The following KIAA1549 variants were observed in gnomAD, a reference collection of about 807,000 sequenced individuals.
The protein encoded by KIAA1549 is UPF0606 protein KIAA1549.
Under a neutral mutation model 156.4 loss-of-function variants are expected in KIAA1549, and 70 were observed. The observed-to-expected ratio is 0.45, with a 90% CI of 0.37 to 0.55. The LOEUF (loss-of-function observed/expected upper bound fraction) is 0.55, where lower values mean the gene tolerates loss of function less well. Ranked by LOEUF, KIAA1549 falls within the 20% of genes least tolerant of loss-of-function variation. The pLI, the probability that KIAA1549 is intolerant of heterozygous loss-of-function variation, is 0.00. For synonymous variants in KIAA1549, 1,103 were observed against 1,066.4 expected, an observed-to-expected ratio of 1.03 and a Z score of -0.67; for missense variants, 2,428 against 2,540.9, an observed-to-expected ratio of 0.96 and a Z score of 0.96.
chr7:138,842,693 C>CA (rs34144804), intron 18 of KIAA1549, among the ~76,000 whole-genome samples: 96,036 of 140,480 alleles, frequency 0.68, 32,107 homozygotes, highest in East Asian at 0.9. Flanking sequence ...AACTCTGTCT[C>CA]AAAAAAAAAA....
intron 2 of KIAA1549, among the ~76,000 whole-genome samples, chr7:138,913,338 T>G (rs76305941): frequency 0.013 from 1,996 of 152,324 alleles, 16 homozygotes; most frequent in Non-Finnish European, 0.022. Context: ...ATATTAAAAT[T>G]TTATGTAGGA....
chr7:138,904,658 C>A (rs1407216764), intron 7 of KIAA1549, among the ~76,000 whole-genome samples: 12 of 150,516 alleles, frequency 8.0e-5, no homozygotes, highest in Non-Finnish European at 1.6e-4. Context: ...AGGTGCCAAG[C>A]CACCCTGCTT....
At chr7:138,944,005 G>A (rs1483264527) in intron 1 of KIAA1549, among the ~76,000 whole-genome samples, 4 of 151,146 alleles carry the variant, frequency 2.6e-5, no homozygotes, top group Non-Finnish European at 5.9e-5. Flanking sequence ...GGGCTCAAGT[G>A]GTCCTCCCAC....
At chr7:138,926,927 C>G (rs1812736747) in intron 1 of KIAA1549, among the ~76,000 whole-genome samples, 1 of 152,172 alleles carries the variant, frequency 6.6e-6, no homozygotes, top group Admixed American at 6.5e-5. Context: ...TTCCCAACTC[C>G]CTTCCTTCCC....
At position 138,850,250 on chromosome 7, in the gene KIAA1549, C is replaced by T. The variant is rs1810199290; in HGVS notation, c.5294+1973G>A. ...TGTTTTCTGACACCAGTTGGTAGTTCTGTTTTTATGTCTTTGAGGAATCGC... is the reference window on the plus strand; with the variant it reads ...TGTTTTCTGACACCAGTTGGTAGTTTTGTTTTTATGTCTTTGAGGAATCGC... On this transcript the variant is annotated intron_variant, in intron 17 of 19. Coordinates refer to ENST00000422774, the MANE Select transcript of KIAA1549 (RefSeq NM_001164665.2). Among the ~76,000 whole-genome samples the T allele has an allele frequency of 2.6e-5, 4 of 152,122 alleles. No individual in the cohort carries two copies. In the South Asian group the frequency reaches 8.3e-4, roughly 31 times the overall value.
intron 1 of KIAA1549, among the ~76,000 whole-genome samples, chr7:138,957,602 A>C (rs2774974): frequency 0.41 from 62,819 of 151,660 alleles, 15,823 homozygotes; most frequent in African/African-American, 0.72. Context: ...CTCAGCCTCC[A>C]GAGTAGATGG....
intron 2 of KIAA1549, among the ~76,000 whole-genome samples, chr7:138,913,751 G>A (rs1446268199): frequency 2.0e-5 from 3 of 152,076 alleles, no homozygotes; most frequent in East Asian, 3.9e-4. Flanking sequence ...CCACCTTGCT[G>A]AGTCACACCA....
chr7:138,937,777 G>A (rs1288604802), intron 1 of KIAA1549, among the ~76,000 whole-genome samples: 1 of 152,156 alleles, frequency 6.6e-6, no homozygotes, highest in Non-Finnish European at 1.5e-5. Context: ...AGCCAACTCG[G>A]GGTGGATGGA....
In KIAA1549 at chr7:138,844,585, T is replaced by C. The variant is rs1810020686; in HGVS notation, c.5295-111A>G. Reference sequence around the variant, plus strand: ...GGTAACACTTATTTGTCTACCTGCTTAGCCATCTCCTCTCCTGGAAGGGGA... The same window carrying C: ...GGTAACACTTATTTGTCTACCTGCTCAGCCATCTCCTCTCCTGGAAGGGGA... On this transcript the variant is annotated intron_variant, in intron 17 of 19. Coordinates refer to ENST00000422774, the MANE Select transcript of KIAA1549 (RefSeq NM_001164665.2). 3 of 1,004,664 alleles carry C rather than the reference T, an allele frequency of 3.0e-6. No homozygotes were observed. In the East Asian group the frequency reaches 9.1e-5, roughly 31 times the overall value. 62.2% of individuals were successfully genotyped at this position (1,004,664 alleles called of 1,614,324 possible).
Position 138,831,971 on chromosome 7 carries a change from C to T in KIAA1549, c.*5935G>A, listed in dbSNP as rs577854648. ...CTAGTATCTCCCTCTTCTTTCCCCA[C>T]ATTTGCAGGAGGAACAGTACAGCAT... On this transcript the variant is annotated 3_prime_UTR_variant, in exon 20 of 20. Transcript: ENST00000422774. 3.4e-5 allele frequency: 8 copies of T among 232,688 alleles called. No homozygotes were observed. Among genetic ancestry groups the T allele is most frequent in the African/African-American group, 1.8e-4 (8 of 45,460 alleles). The allele number at this position is 232,688 out of a possible 1,614,324, so 14.4% of individuals were successfully genotyped here.
chr7:138,973,511 C>G (rs1304941059), intron 1 of KIAA1549, among the ~76,000 whole-genome samples: 1 of 152,180 alleles, frequency 6.6e-6, no homozygotes, highest in Non-Finnish European at 1.5e-5. Flanking sequence ...CTGTATGCTC[C>G]TCTTTGTCTT....
In KIAA1549 at chr7:138,963,109, C is replaced by T. The variant is rs185041244; in HGVS notation, c.187+17974G>A. 1.5e-3 allele frequency among the ~76,000 whole-genome samples: 230 copies of T among 152,366 alleles called. 1 individual carries two copies. The highest frequency in any genetic ancestry group is 3.0e-3 in the Non-Finnish European group (205 of 68,032). On this transcript the variant is annotated intron_variant, in intron 1 of 19. Coordinates refer to ENST00000422774, the MANE Select transcript of KIAA1549 (RefSeq NM_001164665.2). ...GGTGCTCAGCACATGGCAGTGAGTG[C>T]TCCATCAATGTTGGCTGAGTCATGC...
At chr7:138,912,290 A>G (rs3735013) in intron 3 of KIAA1549, 82 bp downstream of exon 3, 300,558 of 970,860 alleles carry the variant, frequency 0.31, 50,629 homozygotes, top group African/African-American at 0.58. Context: ...TTCCATGGCC[A>G]TAATCACCTG....
chr7:138,881,390 T>C lies in KIAA1549; in HGVS notation c.4227A>G (p.Gly1409=). The change falls in exon 11 of 20, where the codon GGA becomes GGG. Residue 1409 remains glycine (G), a splice_region_variant and synonymous_variant. Coordinates refer to ENST00000422774, the MANE Select transcript of KIAA1549 (RefSeq NM_001164665.2). ...AATACAGAAAGCCCAATAATAACCT[T>C]CCTCTGTGACGAACATTCTTGGAAG... ...KIPSKNVRHR[G]RVSPSDADST... 4 of 1,612,628 alleles carry C rather than the reference T, an allele frequency of 2.5e-6. No homozygotes were observed. The highest frequency in any genetic ancestry group is 1.3e-5 in the African/African-American group (1 of 74,928).
intron 9 of KIAA1549, among the ~76,000 whole-genome samples, chr7:138,896,972 C>G (rs546944491): frequency 5.2e-4 from 79 of 152,254 alleles, no homozygotes; most frequent in Non-Finnish European, 9.0e-4. Flanking sequence ...CACCAGTGTC[C>G]TGGGGCTGCC....
In KIAA1549 at chr7:138,903,751, A is replaced by G; in HGVS notation, c.3521-15T>C. The G allele has an allele frequency of 6.4e-7, 1 of 1,574,694 alleles. No homozygotes were observed. Among genetic ancestry groups the G allele is most frequent in the Non-Finnish European group, 8.6e-7 (1 of 1,159,858 alleles). ...GCCCAGGAGAACTACATTTAAATGAAAACATACGTGGCACCCAAAACAAGT... is the reference window on the plus strand; with the variant it reads ...GCCCAGGAGAACTACATTTAAATGAGAACATACGTGGCACCCAAAACAAGT... On this transcript the variant is annotated splice_polypyrimidine_tract_variant and intron_variant, in intron 7 of 19. Transcript: ENST00000422774.
chr7:138,889,200 G>A (rs548764926), intron 10 of KIAA1549, among the ~76,000 whole-genome samples: 3 of 152,352 alleles, frequency 2.0e-5, no homozygotes, highest in Admixed American at 6.5e-5. Flanking sequence ...AGGAGCTACA[G>A]ATGGCCTCCC....
chr7:138,961,341 G>A (rs146398287), intron 1 of KIAA1549, among the ~76,000 whole-genome samples: 4 of 152,248 alleles, frequency 2.6e-5, no homozygotes, highest in African/African-American at 9.6e-5. Context: ...AGCTACTGGG[G>A]GAAGCATTGT....
Position 138,906,981 on chromosome 7 carries a change from C to T in KIAA1549, c.3398G>A (p.Arg1133Lys), listed in dbSNP as rs762166191. The change falls in exon 6 of 20, where the codon AGA (arginine) becomes AAA (lysine). Residue 1133 changes from arginine (R) to lysine (K), a missense_variant. Physicochemically the swap from Arg to Lys is conservative, Grantham distance 26. Transcript: ENST00000422774. Reference protein sequence around the residue: ...LNGSEVSELLRNLSVVEFSFY... With the variant: ...LNGSEVSELLKNLSVVEFSFY... The stretch of plus-strand genomic sequence containing the variant: ...ACTGAACTCCACCACACTCAAGTTT[C>T]TGAGCAGCTCGCTCACTTCCGACCC... The T allele has an allele frequency of 3.1e-6, 5 of 1,613,420 alleles. No individual in the cohort carries two copies. In the Admixed American group the frequency reaches 8.3e-5, roughly 27 times the overall value.
Sources: gnomAD v4.1 joint callset for allele counts (sites outside exome capture counted in the v4.1 genomes callset) on GRCh38, gnomAD v4.1.1 for gene constraint, MANE v1.5 for transcripts, NCBI Gene and HGNC (gene_info 2026-07-23, HGNC 2026-07-21) for gene names.